NPHP3: variants seen among roughly 807,000 people sequenced by gnomAD.
The protein encoded by NPHP3 is nephrocystin 3, also known as nephrocystin-3.
Under a neutral mutation model 171.9 loss-of-function variants are expected in NPHP3, and 123 were observed. The observed-to-expected ratio is 0.72, with a 90% confidence interval of 0.62 to 0.83. The LOEUF (loss-of-function observed/expected upper bound fraction) is 0.83. Ranked by LOEUF, NPHP3 falls within the 40% of genes least tolerant of loss-of-function variation. The probability of loss-of-function intolerance (pLI) is 0.00; values close to 1 mark genes in which losing one functional copy is unlikely to be tolerated. For missense variants in NPHP3, 1,506 were observed against 1,591.9 expected, an observed-to-expected ratio of 0.95 and a Z score of 0.92; for synonymous variants, 558 against 579.2, an observed-to-expected ratio of 0.96 and a Z score of 0.52.
chr3:132,708,334 A>G, intron 6 of NPHP3, 77 bp from the exon 7 acceptor site: 1 of 1,416,480 alleles, frequency 7.1e-7, no homozygotes, highest in Non-Finnish European at 9.9e-7. Flanking sequence ...CTAAGTGCCA[A>G]TAATGGAGTT....
At chr3:132,713,620 G>C (rs1178035211) in intron 5 of NPHP3, among the ~76,000 whole-genome samples, 4 of 151,986 alleles carry the variant, frequency 2.6e-5, no homozygotes, top group Non-Finnish European at 4.4e-5. Context: ...CTGTTTTATT[G>C]TCATAAAGAG....
At chr3:132,690,480 A>G (rs369115654) in intron 19 of NPHP3, 48 bp downstream of exon 19, 4 of 1,577,924 alleles carry the variant, frequency 2.5e-6, no homozygotes, top group Non-Finnish European at 3.5e-6. Context: ...AAACTGAACA[A>G]CTTTAAATCT....
intron 1 of NPHP3, among the ~76,000 whole-genome samples, chr3:132,720,922 A>G (rs1009279651): frequency 3.4e-5 from 5 of 148,026 alleles, no homozygotes; most frequent in Admixed American, 3.4e-4. Context: ...GCTTTATACT[A>G]TTTTTTTTTT....
chr3:132,688,525 CACATG>C lies in NPHP3; in HGVS notation c.3125+120_3125+124del, dbSNP rs1939217708. 4 of 1,005,756 alleles carry C rather than the reference CACATG, an allele frequency of 4.0e-6. No individual in the cohort carries two copies. In the Admixed American group the frequency reaches 6.9e-5, roughly 17 times the overall value. 62.3% of individuals were successfully genotyped at this position (1,005,756 alleles called of 1,614,324 possible). On this transcript the variant is annotated intron_variant, in intron 21 of 26. Coordinates refer to ENST00000337331, the MANE Select transcript of NPHP3 (RefSeq NM_153240.5). ...TATAGTTCTCATTTTCTCTGTTTAC[CACATG>C]AAGACTAGGCACAGGGTAAGGAAAA...
At chr3:132,687,689 T>C (rs946266322) in intron 21 of NPHP3, among the ~76,000 whole-genome samples, 1 of 152,184 alleles carries the variant, frequency 6.6e-6, no homozygotes, top group Non-Finnish European at 1.5e-5. Flanking sequence ...CACACAAAAT[T>C]TGTACGAAGC....
In NPHP3 at chr3:132,722,367, C is replaced by T; in HGVS notation, c.-12G>A. 6.3e-7 allele frequency: 1 copy of T among 1,575,440 alleles called. No individual in the cohort carries two copies. The highest frequency in any genetic ancestry group is 8.5e-7 in the Non-Finnish European group (1 of 1,170,408). ...GAGGCGGTCCCCATGGCGTCCGTTGCCGCTACTACCTAGTGAGTACCAGCA... is the reference window on the plus strand; with the variant it reads ...GAGGCGGTCCCCATGGCGTCCGTTGTCGCTACTACCTAGTGAGTACCAGCA... On this transcript the variant is annotated 5_prime_UTR_variant, in exon 1 of 27. Transcript: ENST00000337331.
chr3:132,718,250 AT>A (rs1246869128), intron 3 of NPHP3: 6 of 285,880 alleles, frequency 2.1e-5, no homozygotes, highest in Non-Finnish European at 3.4e-5. Flanking sequence ...TTAAAATAGA[AT>A]ATTTTTCTTT....
At chr3:132,682,365 G>C in intron 26 of NPHP3, 2 of 551,184 alleles carry the variant, frequency 3.6e-6, no homozygotes, top group South Asian at 4.2e-5. Context: ...TCTGCATCCT[G>C]AGAAAAATAC....
intron 12 of NPHP3, 28 bp from the exon 13 acceptor site, chr3:132,699,478 C>T (rs975167080): frequency 7.0e-7 from 1 of 1,433,980 alleles, no homozygotes; most frequent in South Asian, 1.2e-5. Flanking sequence ...AAAATTCAAT[C>T]TATTAATCAA....
chr3:132,701,455 C>A lies in NPHP3; in HGVS notation c.1603G>T (p.Gly535Trp). The A allele has an allele frequency of 6.2e-7, 1 of 1,612,756 alleles. No individual in the cohort carries two copies. Among genetic ancestry groups the A allele is most frequent in the East Asian group, 2.2e-5 (1 of 44,882 alleles). ...CACTTTGATAAAAGAAGAGACTTCC[C>A]AGAACCTGGTCCTCCAGACACGAGA... ...PLLVSGGPGSGKSLLLSKWIQ... is the reference protein window; with the variant it reads ...PLLVSGGPGSWKSLLLSKWIQ... The change falls in exon 10 of 27, where the codon GGG (glycine) becomes TGG (tryptophan). Residue 535 changes from glycine to tryptophan, a missense_variant. By Grantham distance (184) the Gly-to-Trp change is radical. This residue lies in a region of NPHP3 where 930 missense variants were observed against 924.9 expected (regional missense o/e 1.01). Transcript: ENST00000337331.
Position 132,681,614 on chromosome 3 carries a change from C to T in NPHP3, c.*296G>A, listed in dbSNP as rs1939029419. 3 of 359,994 alleles carry T rather than the reference C, an allele frequency of 8.3e-6. No homozygotes were observed. 22.3% of individuals were successfully genotyped at this position (359,994 alleles called of 1,614,324 possible). A position where few individuals can be genotyped will look rare whatever the true frequency, so the allele number is the denominator to read the frequency against. Reference sequence around the variant, plus strand: ...CTCCTTGTCTTAACTACTCTGCCAGCTCTTGTTGAACAAAGACCAATCCGC... The same window carrying T: ...CTCCTTGTCTTAACTACTCTGCCAGTTCTTGTTGAACAAAGACCAATCCGC... On this transcript the variant is annotated 3_prime_UTR_variant, in exon 27 of 27. Coordinates refer to ENST00000337331, the MANE Select transcript of NPHP3 (RefSeq NM_153240.5).
rs73863710 is a variant in NPHP3 at position 132,700,307 on chromosome 3, G to C, written c.1743+27C>G. 3.2e-3 allele frequency: 4,807 copies of C among 1,487,372 alleles called. 116 individuals are homozygous for C. The African/African-American group carries it at 0.058, about 18-fold the overall frequency. 92.1% of individuals were successfully genotyped at this position (1,487,372 alleles called of 1,614,324 possible). A position where few individuals can be genotyped will look rare whatever the true frequency, so the allele number is the denominator to read the frequency against. ...AATTTCTGAATCTAAATAAAATTCT[G>C]TAATTCCAAAAGATGGGATACTATA... is the stretch of plus-strand genomic sequence containing the variant. On this transcript the variant is annotated intron_variant, in intron 11 of 26. Transcript: ENST00000337331.
chr3:132,701,440 AAAG>A lies in NPHP3; in HGVS notation c.1615_1617del (p.Leu540del), dbSNP rs1309659056. The stretch of plus-strand genomic sequence containing the variant: ...TGCACTGCATCATACCACTTTGATA[AAAG>A]AAGAGACTTCCCAGAACCTGGTCCT... On this transcript the variant is annotated inframe_deletion, in exon 10 of 27. Transcript: ENST00000337331. 1.2e-6 allele frequency: 2 copies of A among 1,606,854 alleles called. No individual in the cohort carries two copies. The highest frequency in any genetic ancestry group is 1.6e-4 in the Middle Eastern group (1 of 6,066).
At chr3:132,710,532 C>A (rs968977151) in intron 6 of NPHP3, among the ~76,000 whole-genome samples, 1 of 152,226 alleles carries the variant, frequency 6.6e-6, no homozygotes, top group East Asian at 1.9e-4. Flanking sequence ...TCTCCTTCTA[C>A]GTAGGTTCAA....
intron 16 of NPHP3, among the ~76,000 whole-genome samples, chr3:132,694,626 T>C (rs936161818): frequency 2.0e-5 from 3 of 152,080 alleles, no homozygotes; most frequent in Admixed American, 6.5e-5. Flanking sequence ...AAAAAAAGGA[T>C]AGCCAATAAC....
chr3:132,721,808 G>A (rs1292928136), intron 1 of NPHP3, 155 bp downstream of exon 1: 5 of 966,208 alleles, frequency 5.2e-6, no homozygotes, highest in Non-Finnish European at 8.0e-6. Flanking sequence ...AAAAGGGGAG[G>A]GTTAAGGAAT....
chr3:132,713,393 A>AT (rs1939966291), intron 5 of NPHP3, 107 bp from the exon 6 acceptor site: 2 of 551,114 alleles, frequency 3.6e-6, no homozygotes, highest in Non-Finnish European at 5.9e-6. Context: ...GTTATACTGG[A>AT]TATCTTTTCA....
rs151145533 is a variant in NPHP3 at position 132,701,340 on chromosome 3, G to A, written c.1628+90C>T. On this transcript the variant is annotated intron_variant, in intron 10 of 26. Transcript: ENST00000337331. ...ACTTTGTTAATGTTTAGTGTAGGCC[G>A]CGCAGGAAGGCAGGCATGCAATACA... 3,283 of 857,910 alleles carry A rather than the reference G, an allele frequency of 3.8e-3. 19 individuals carry two copies. Among genetic ancestry groups the A allele is most frequent in the Middle Eastern group, 5.5e-3 (25 of 4,560 alleles). 53.1% of individuals were successfully genotyped at this position (857,910 alleles called of 1,614,324 possible). A position where few individuals can be genotyped will look rare whatever the true frequency, so the allele number is the denominator to read the frequency against.
At chr3:132,687,498 C>G (rs1176500658) in intron 21 of NPHP3, among the ~76,000 whole-genome samples, 1 of 152,166 alleles carries the variant, frequency 6.6e-6, no homozygotes, top group Non-Finnish European at 1.5e-5. Context: ...CAAAGCAAGT[C>G]TAGTCCTTTA....
Sources: gnomAD v4.1 joint callset for allele counts (sites outside exome capture counted in the v4.1 genomes callset) on GRCh38, gnomAD v4.1.1 for gene constraint, gnomAD v4.1.1 regional missense constraint, MANE v1.5 for transcripts, NCBI Gene and HGNC (gene_info 2026-07-23, HGNC 2026-07-21) for gene names.